Variants in RIN3 observed in about 807,000 individuals in gnomAD.
RIN3 encodes the protein RAB5 interacting protein 3.
Under a neutral mutation model 76.3 loss-of-function variants are expected in RIN3, and 54 were observed. The ratio of observed to expected loss-of-function variants is 0.71; its 90% confidence interval spans 0.57 to 0.89. The LOEUF is 0.89. RIN3 is among the 40% of genes least tolerant of loss of function. RIN3 has a pLI of 0.00. For synonymous variants in RIN3, 576 were observed against 564.0 expected (o/e 1.02, Z -0.30); for missense variants, 1,256 against 1,322.1 (o/e 0.95, Z 0.78).
chr14:92,533,783 A>T (rs191098061), intron 1 of RIN3, among the ~76,000 whole-genome samples: 5 of 152,326 alleles, frequency 3.3e-5, no homozygotes, highest in African/African-American at 4.8e-5. Flanking sequence ...TGCTCAGGTG[A>T]TGGGTGTACC....
Position 92,555,617 on chromosome 14 carries a change from T to C in RIN3, c.45-134T>C, listed in dbSNP as rs980387702. Reference sequence around the variant, plus strand: ...AGATGAAGACCATGGTTTGTTGATTTTTTTTTAATTCCCCAAAGGGCCACT... The same window carrying C: ...AGATGAAGACCATGGTTTGTTGATTCTTTTTTAATTCCCCAAAGGGCCACT... On this transcript the variant is annotated intron_variant, in intron 1 of 9. Transcript: ENST00000216487. 6.1e-6 allele frequency: 5 copies of C among 825,950 alleles called. No individual in the cohort carries two copies. The Admixed American group carries it at 1.2e-4, about 20-fold the overall frequency. 51.2% of individuals were successfully genotyped at this position (825,950 alleles called of 1,614,324 possible).
At chr14:92,632,976 G>A (rs1886644232) in intron 4 of RIN3, among the ~76,000 whole-genome samples, 1 of 152,220 alleles carries the variant, frequency 6.6e-6, no homozygotes, top group African/African-American at 2.4e-5. Context: ...GCCTGTTGCT[G>A]ATATCAGACT....
At chr14:92,687,841 C>A in intron 9 of RIN3, 85 bp from the exon 10 acceptor site, 1 of 1,237,178 alleles carries the variant, frequency 8.1e-7, no homozygotes, top group Non-Finnish European at 1.1e-6. Flanking sequence ...CACCCGCTAT[C>A]CATCCAGGGA....
intron 4 of RIN3, among the ~76,000 whole-genome samples, chr14:92,631,118 A>C (rs1886562667): frequency 6.6e-6 from 1 of 152,156 alleles, no homozygotes. Flanking sequence ...GCGTTTAGTT[A>C]GACATGTGTC....
rs1887281264 is a variant in RIN3, at chr14:92,648,424, CCGGCTGGTGGCCCATCCGTTTACGG to C, written c.533-3157_533-3133del. On this transcript the variant is annotated intron_variant, in intron 5 of 9. Transcript: ENST00000216487. This position sits in a 1 kb window ranked among gnomAD's most constrained non-coding sequence, Gnocchi z 4.1. ...GCCATCCTGTCCCGTGGCAGGCTGC[CCGGCTGGTGGCCCATCCGTTTACGG>C]GGCTCCTGTGCCCTCCTTCCTGCCT... Among the ~76,000 whole-genome samples, 1 of 152,244 alleles carries C rather than the reference CCGGCTGGTGGCCCATCCGTTTACGG, an allele frequency of 6.6e-6. No homozygotes were observed. Among genetic ancestry groups the C allele is most frequent in the Non-Finnish European group, 1.5e-5 (1 of 68,050 alleles).
intron 3 of RIN3, among the ~76,000 whole-genome samples, chr14:92,580,530 G>A (rs1221435882): frequency 6.6e-6 from 1 of 152,248 alleles, no homozygotes; most frequent in Non-Finnish European, 1.5e-5. Context: ...CAGATGGAGA[G>A]GTGTGCTATG....
chr14:92,522,383 G>A (rs769850937), intron 1 of RIN3, among the ~76,000 whole-genome samples: 3 of 151,960 alleles, frequency 2.0e-5, no homozygotes, highest in Non-Finnish European at 4.4e-5. Flanking sequence ...GACTTTAAAA[G>A]TTCATACACA....
intron 1 of RIN3, among the ~76,000 whole-genome samples, chr14:92,544,414 T>TGGGGGGGGGGGGGGGGGGGGGGG (rs71123353): frequency 8.0e-5 from 6 of 74,558 alleles, no homozygotes; most frequent in African/African-American, 2.1e-4. Context: ...GTGACAGCTG[T>TGGGGGGGGGGGGGGGGGGGGGGG]GGGGGGGGGG....
intron 7 of RIN3, among the ~76,000 whole-genome samples, chr14:92,666,227 T>C (rs1482768527): frequency 6.6e-6 from 1 of 152,134 alleles, no homozygotes; most frequent in Non-Finnish European, 1.5e-5. Flanking sequence ...CTTGATGTGG[T>C]ACCTTCATGG....
intron 3 of RIN3, among the ~76,000 whole-genome samples, chr14:92,602,374 G>A (rs1885378029): frequency 6.6e-6 from 1 of 152,204 alleles, no homozygotes; most frequent in South Asian, 2.1e-4. Flanking sequence ...CAGTGAGGCA[G>A]GGACACGCCG....
At chr14:92,545,585 T>G (rs1444412280) in intron 1 of RIN3, among the ~76,000 whole-genome samples, 1 of 84,844 alleles carries the variant, frequency 1.2e-5, no homozygotes, top group African/African-American at 3.7e-5. Flanking sequence ...TCTTTTTCTT[T>G]TTTTTTTTTT....
intron 2 of RIN3, among the ~76,000 whole-genome samples, chr14:92,570,268 G>C (rs898033621): frequency 6.6e-6 from 1 of 152,134 alleles, no homozygotes; most frequent in East Asian, 1.9e-4. Flanking sequence ...TTCTTTCCAC[G>C]TCCTGCTCAG....
At chr14:92,646,692 C>T (rs879943576) in intron 5 of RIN3, among the ~76,000 whole-genome samples, 4 of 152,284 alleles carry the variant, frequency 2.6e-5, no homozygotes, top group South Asian at 2.1e-4. Context: ...CGGCCCGCCT[C>T]GGCCTCCCAA....
intron 4 of RIN3, among the ~76,000 whole-genome samples, chr14:92,629,117 A>G (rs1019990053): frequency 2.8e-5 from 4 of 145,260 alleles, no homozygotes; most frequent in Admixed American, 6.9e-5. Context: ...CGGAAAGGAA[A>G]AGAGAGAGAG....
intron 2 of RIN3, among the ~76,000 whole-genome samples, chr14:92,561,945 C>T (rs923521831): frequency 1.3e-5 from 2 of 152,188 alleles, no homozygotes; most frequent in African/African-American, 4.8e-5. Context: ...CTCGGCCTCC[C>T]ATACCACTGG....
intron 4 of RIN3, among the ~76,000 whole-genome samples, chr14:92,632,551 A>G (rs1388055117): frequency 6.6e-6 from 1 of 152,120 alleles, no homozygotes; most frequent in Non-Finnish European, 1.5e-5. Context: ...AGATAAAGAA[A>G]CTGAGGCTGG....
At chr14:92,590,464 C>G (rs1884940530) in intron 3 of RIN3, among the ~76,000 whole-genome samples, 1 of 152,138 alleles carries the variant, frequency 6.6e-6, no homozygotes, top group Non-Finnish European at 1.5e-5. Context: ...CCCTCCTGCT[C>G]AACCTAACTT....
intron 4 of RIN3, among the ~76,000 whole-genome samples, chr14:92,631,078 G>C (rs1300950883): frequency 6.6e-6 from 1 of 152,220 alleles, no homozygotes; most frequent in Non-Finnish European, 1.5e-5. Context: ...TGGCACAGAG[G>C]GGTGTTACAG....
chr14:92,610,994 G>A (rs987299313), intron 3 of RIN3, among the ~76,000 whole-genome samples: 4 of 152,180 alleles, frequency 2.6e-5, no homozygotes, highest in Non-Finnish European at 4.4e-5. Flanking sequence ...TTTATGAGGT[G>A]GTGTAGTCGC....
Sources: allele counts gnomAD v4.1 joint callset (sites outside exome capture counted in the v4.1 genomes callset), GRCh38; gene constraint gnomAD v4.1.1; non-coding constraint Gnocchi (gnomAD v3.1); transcripts MANE v1.5; gene names NCBI Gene and HGNC (gene_info 2026-07-23, HGNC 2026-07-21).